Variants in PEPD observed in about 807,000 individuals in gnomAD.
The protein encoded by PEPD is xaa-Pro dipeptidase.
PEPD carries 53 observed loss-of-function variants against 60.7 expected under a neutral mutation model. The ratio of observed to expected loss-of-function variants is 0.87; its 90% CI spans 0.70 to 1.10. PEPD has a LOEUF of 1.10. PEPD is among the 50% of genes least tolerant of loss of function. The pLI, the probability that PEPD is intolerant of heterozygous loss-of-function variation, is 0.00. For synonymous variants in PEPD, 267 were observed against 284.1 expected, an observed-to-expected ratio of 0.94 and a Z score of 0.60; for missense variants, 711 against 711.9, an observed-to-expected ratio of 1.00 and a Z score of 0.01.
intron 13 of PEPD, chr19:33,388,666 G>T (rs767519415): frequency 5.2e-6 from 1 of 191,640 alleles, no homozygotes; most frequent in Non-Finnish European, 1.1e-5. Context: ...TGCCGTGTGC[G>T]CGTGGCTTGG....
intron 14 of PEPD, 43 bp downstream of exon 14, chr19:33,387,847 G>A: frequency 6.9e-7 from 1 of 1,458,110 alleles, no homozygotes; most frequent in Non-Finnish European, 9.4e-7. Flanking sequence ...CAGTGGAGGT[G>A]GCAGATGTTC....
At chr19:33,470,417 C>A (rs1970101603) in intron 7 of PEPD, among the ~76,000 whole-genome samples, 1 of 152,080 alleles carries the variant, frequency 6.6e-6, no homozygotes, top group East Asian at 1.9e-4. Flanking sequence ...TCCCAGCCTC[C>A]TCCCTCCTCT....
chr19:33,481,443 G>A (rs1036512139), intron 6 of PEPD, among the ~76,000 whole-genome samples: 1 of 152,094 alleles, frequency 6.6e-6, no homozygotes, highest in Non-Finnish European at 1.5e-5. Flanking sequence ...GCTTGTGCCT[G>A]TAGTCCCAGC....
intron 9 of PEPD, among the ~76,000 whole-genome samples, chr19:33,432,646 C>A (rs556851556): frequency 1.3e-5 from 2 of 152,392 alleles, no homozygotes; most frequent in Non-Finnish European, 2.9e-5. Context: ...TGGAAACGAG[C>A]CTGCTGCCAT....
intron 6 of PEPD, among the ~76,000 whole-genome samples, chr19:33,489,648 A>G (rs1026243439): frequency 4.6e-5 from 7 of 151,890 alleles, no homozygotes; most frequent in Non-Finnish European, 1.0e-4. Context: ...AAAAAAATAA[A>G]AGAAAGGGGG....
rs1217545718 is a variant in PEPD at position 33,401,707 on chromosome 19, G to A, written c.967+14C>T. The A allele has an allele frequency of 1.2e-6, 2 of 1,602,068 alleles. No homozygotes were observed. Among genetic ancestry groups the A allele is most frequent in the Non-Finnish European group, 1.7e-6 (2 of 1,175,064 alleles). On this transcript the variant is annotated intron_variant, in intron 12 of 14. Coordinates refer to ENST00000244137, the MANE Select transcript of PEPD (RefSeq NM_000285.4). ...CACGTCAGATGCGCCTCCCCCCACC[G>A]ACCCGCTGCTCACCTGGCTTCATGG...
At chr19:33,504,520 T>C (rs1370484411) in intron 3 of PEPD, among the ~76,000 whole-genome samples, 4 of 152,164 alleles carry the variant, frequency 2.6e-5, no homozygotes, top group Admixed American at 2.6e-4. Flanking sequence ...TCCCAGCACT[T>C]TGGAAGGCCA....
intron 9 of PEPD, among the ~76,000 whole-genome samples, chr19:33,450,392 A>G (rs757436784): frequency 1.3e-5 from 2 of 152,234 alleles, no homozygotes; most frequent in Non-Finnish European, 2.9e-5. Flanking sequence ...TCCTATAAGC[A>G]TCCAGGGCAA....
intron 9 of PEPD, among the ~76,000 whole-genome samples, chr19:33,441,370 G>A (rs1969476922): frequency 6.6e-6 from 1 of 152,206 alleles, no homozygotes; most frequent in South Asian, 2.1e-4. Context: ...GTGCAGACCT[G>A]ATTCCTCGAT....
rs116124607 is a variant in PEPD at position 33,461,084 on chromosome 19, C to T, written c.671+1911G>A. Among the ~76,000 whole-genome samples the T allele has an allele frequency of 1.2e-3, 177 of 152,216 alleles. 1 individual carries two copies. The highest frequency in any genetic ancestry group is 3.9e-3 in the African/African-American group (164 of 41,538). On this transcript the variant is annotated intron_variant, in intron 9 of 14. Transcript: ENST00000244137. ...TTCATGACATGAAGGAGTTACGGTT[C>T]GTTTGTGATAATGAATGTGATATTG...
rs759922670 is a variant in PEPD at position 33,387,930 on chromosome 19, A to G, written c.1304T>C (p.Leu435Pro). ...AAAGCGCTGCAGGACCTCGCGGTTA[A>G]GGAAGGAGGCGCGGGCCGGGTCCGC... ...ALADPARASF[L>P]NREVLQRFRG... Residue 435 changes from leucine to proline, a missense_variant, in exon 14 of 15, where the codon CTT becomes CCT. Leu to Pro is a moderately conservative substitution (Grantham distance 98). Coordinates refer to ENST00000244137, the MANE Select transcript of PEPD (RefSeq NM_000285.4). The G allele has an allele frequency of 1.3e-6, 2 of 1,595,698 alleles. No individual in the cohort carries two copies. The highest frequency in any genetic ancestry group is 8.5e-7 in the Non-Finnish European group (1 of 1,171,926).
At chr19:33,516,136 A>G (rs1056457432) in intron 1 of PEPD, among the ~76,000 whole-genome samples, 2 of 152,094 alleles carry the variant, frequency 1.3e-5, no homozygotes, top group African/African-American at 4.8e-5. Context: ...TAATTACAGG[A>G]CACCAAGTAA....
intron 11 of PEPD, among the ~76,000 whole-genome samples, chr19:33,408,208 G>C (rs999954500): frequency 7.2e-5 from 11 of 152,240 alleles, no homozygotes; most frequent in Admixed American, 3.9e-4. Context: ...GGACAACCAG[G>C]GGACGGGAGC....
At chr19:33,463,177 T>C in intron 8 of PEPD, 136 bp from the exon 9 acceptor site, 1 of 737,506 alleles carries the variant, frequency 1.4e-6, no homozygotes, top group South Asian at 1.4e-5. Context: ...CATGCAGTGG[T>C]ACAGACATGT....
intron 9 of PEPD, among the ~76,000 whole-genome samples, chr19:33,436,593 G>A (rs1312176164): frequency 1.3e-5 from 2 of 152,250 alleles, no homozygotes; most frequent in Admixed American, 1.3e-4. Flanking sequence ...CTGCCAGGAA[G>A]GTCCTCTCAC....
At chr19:33,420,218 C>T (rs1968983864) in intron 9 of PEPD, among the ~76,000 whole-genome samples, 1 of 152,168 alleles carries the variant, frequency 6.6e-6, no homozygotes, top group African/African-American at 2.4e-5. Flanking sequence ...AAGCCTGGCT[C>T]ATCAGACTGT....
chr19:33,502,952 C>CGGGGG (rs71181361), intron 3 of PEPD, among the ~76,000 whole-genome samples: 18 of 77,474 alleles, frequency 2.3e-4, no homozygotes, highest in African/African-American at 6.9e-4. Context: ...AACTGGGGGG[C>CGGGGG]GGGGGGGGGT....
intron 6 of PEPD, among the ~76,000 whole-genome samples, chr19:33,489,234 G>A (rs1459413823): frequency 1.3e-5 from 2 of 152,222 alleles, no homozygotes; most frequent in Non-Finnish European, 2.9e-5. Context: ...TTGGTTAAGA[G>A]TGAGAAGAGG....
At position 33,461,567 on chromosome 19, in the gene PEPD, G is replaced by A. The variant is rs188778040; in HGVS notation, c.671+1428C>T. Reference sequence around the variant, plus strand: ...TTCCACACTGGGCTCAGCTATTCCTGCCCCAATTTCTCAGTTATTTTTATT... The same window carrying A: ...TTCCACACTGGGCTCAGCTATTCCTACCCCAATTTCTCAGTTATTTTTATT... On this transcript the variant is annotated intron_variant, in intron 9 of 14. Coordinates refer to ENST00000244137, the MANE Select transcript of PEPD (RefSeq NM_000285.4). Among the ~76,000 whole-genome samples the A allele has an allele frequency of 4.9e-3, 744 of 152,290 alleles. 5 individuals are homozygous for A. Among genetic ancestry groups the A allele is most frequent in the South Asian group, 0.029 (142 of 4,832 alleles).
Sources: gnomAD v4.1 joint callset for allele counts (sites outside exome capture counted in the v4.1 genomes callset) on GRCh38, gnomAD v4.1.1 for gene constraint, MANE v1.5 for transcripts, NCBI Gene and HGNC (gene_info 2026-07-23, HGNC 2026-07-21) for gene names.